Variants in TAF1 observed in about 807,000 individuals in gnomAD.
TAF1 encodes the protein TATA-box binding protein associated factor 1.
In TAF1, 2 loss-of-function variants were observed where a neutral mutation model predicts 138.5. That is an observed-to-expected ratio of 0.01 (90% confidence interval 0.01 to 0.05). The LOEUF is 0.05. TAF1 is among the 10% of genes least tolerant of loss of function. TAF1 has a pLI of 1.00. For missense variants in TAF1, 709 were observed against 1,478.0 expected (o/e 0.48, Z 8.53); for synonymous variants, 437 against 503.2 (o/e 0.87, Z 1.76).
intron 13 of TAF1, among the ~76,000 whole-genome samples, chrX:71,471,346 T>C (rs7890890): frequency 0.16 from 14,951 of 95,327 alleles, 1,179 homozygotes; most frequent in East Asian, 0.3. Flanking sequence ...TATATATATA[T>C]ACACACACAC....
rs766377943 is a variant in TAF1, at chrX:71,406,556, C to CT, written c.3999-74dup. The stretch of plus-strand genomic sequence containing the variant: ...TAGGCTCGTGCTTAGGTACCTTGGA[C>CT]TTTTTTTTAATTATAGTTGCTTTTT... On this transcript the variant is annotated intron_variant, in intron 25 of 37. Coordinates refer to ENST00000423759, the MANE Select transcript of TAF1 (RefSeq NM_004606.5). The CT allele has an allele frequency of 4.1e-5, 41 of 1,008,496 alleles. No homozygotes were observed. The East Asian group carries it at 5.8e-4, about 14-fold the overall frequency. The allele number at this position is 1,008,496 out of a possible 1,213,427, so 83.1% of individuals were successfully genotyped here. A position where few individuals can be genotyped will look rare whatever the true frequency, so the allele number is the denominator to read the frequency against.
chrX:71,471,226 G>T (rs1201137393), intron 13 of TAF1, among the ~76,000 whole-genome samples: 4 of 106,644 alleles, frequency 3.8e-5, no homozygotes, highest in Non-Finnish European at 7.7e-5. Flanking sequence ...GCTGAGGCAG[G>T]AGAATCACTT....
At chrX:71,369,358 C>A (rs1441606763) in intron 3 of TAF1, among the ~76,000 whole-genome samples, 2 of 111,367 alleles carry the variant, frequency 1.8e-5, no homozygotes, top group Non-Finnish European at 3.8e-5. Context: ...GTATAGGGTG[C>A]TACATTGTAG....
intron 13 of TAF1, among the ~76,000 whole-genome samples, chrX:71,498,985 A>T (rs2039445933): frequency 9.0e-6 from 1 of 111,307 alleles, no homozygotes; most frequent in Non-Finnish European, 1.9e-5. Context: ...ATAGTTAAAC[A>T]TACCCGGGGC....
rs1187811906 is a variant in TAF1, at chrX:71,378,204, C to G, written c.934-31C>G. ...TTAGGACATCTGGGATCAGGAAATT[C>G]TCCCTGCTCTACTTCTTTCTTCTGT... On this transcript the variant is annotated intron_variant, in intron 6 of 37. Coordinates refer to ENST00000423759, the MANE Select transcript of TAF1 (RefSeq NM_004606.5). 2.5e-6 allele frequency: 3 copies of G among 1,196,193 alleles called. No individual in the cohort carries two copies. The African/African-American group carries it at 5.2e-5, about 21-fold the overall frequency.
intron 14 of TAF1, 26 bp downstream of exon 14, chrX:71,385,075 T>C: frequency 6.3e-6 from 7 of 1,114,590 alleles, no homozygotes; most frequent in Non-Finnish European, 8.6e-6. Context: ...CTGTTTTTAC[T>C]GTTAACTAAG....
chrX:71,431,659 G>A (rs1260961531), intron 32 of TAF1, among the ~76,000 whole-genome samples: 1 of 110,860 alleles, frequency 9.0e-6, no homozygotes, highest in Admixed American at 9.6e-5. Context: ...GCTCACGCCT[G>A]TAATCCCAGC....
At chrX:71,506,923 A>G (rs2039639035) in intron 13 of TAF1, among the ~76,000 whole-genome samples, 1 of 111,973 alleles carries the variant, frequency 8.9e-6, no homozygotes, top group Non-Finnish European at 1.9e-5. Context: ...ACATGCTACA[A>G]CATAGATGAA....
intron 18 of TAF1, among the ~76,000 whole-genome samples, chrX:71,390,807 C>A (rs1244686565): frequency 9.0e-6 from 1 of 111,383 alleles, no homozygotes; most frequent in Non-Finnish European, 1.9e-5. Context: ...ACCAGCCTGG[C>A]CAACATGGTG....
intron 1 of TAF1, 148 bp downstream of exon 1, chrX:71,366,642 G>A: frequency 1.6e-6 from 1 of 623,958 alleles, no homozygotes; most frequent in Non-Finnish European, 2.4e-6. Flanking sequence ...GGGTGCGGGA[G>A]CAACGTGGCG....
intron 13 of TAF1, among the ~76,000 whole-genome samples, chrX:71,503,337 T>C (rs1434716791): frequency 3.0e-5 from 3 of 99,012 alleles, no homozygotes; most frequent in Non-Finnish European, 5.9e-5. Context: ...TGTATATATA[T>C]ATATATGTGT....
chrX:71,401,802 G>T, intron 25 of TAF1, 63 bp downstream of exon 25: 1 of 1,054,176 alleles, frequency 9.5e-7, no homozygotes, highest in African/African-American at 1.8e-5. Context: ...TATATTGGTG[G>T]CTGGCAGGGG....
chrX:71,504,775 AAAAG>A (rs2039591413), intron 13 of TAF1, among the ~76,000 whole-genome samples: 1 of 90,207 alleles, frequency 1.1e-5, no homozygotes, highest in African/African-American at 4.4e-5. Context: ...AAAAAAAAAG[AAAAG>A]AAAAAAGAAA....
chrX:71,448,128 T>C (rs1402793740), intron 32 of TAF1, among the ~76,000 whole-genome samples: 1 of 111,976 alleles, frequency 8.9e-6, no homozygotes, highest in Non-Finnish European at 1.9e-5. Flanking sequence ...AGAAATTCTT[T>C]ATAACTGAAT....
chrX:71,454,681 CTTT>C (rs2038202991), intron 33 of TAF1, 57 bp from the exon 34 acceptor site: 2 of 1,033,548 alleles, frequency 1.9e-6, no homozygotes, highest in African/African-American at 3.8e-5. Flanking sequence ...CTTTTGTTTA[CTTT>C]TGTATCCCCA....
intron 3 of TAF1, among the ~76,000 whole-genome samples, chrX:71,370,441 G>A (rs1457765416): frequency 9.0e-6 from 1 of 111,091 alleles, no homozygotes; most frequent in Non-Finnish European, 1.9e-5. Context: ...CCACCTACCG[G>A]GTTCAAGTGA....
chrX:71,500,433 G>A (rs1246612040), intron 13 of TAF1, among the ~76,000 whole-genome samples: 47 of 98,656 alleles, frequency 4.8e-4, no homozygotes, highest in African/African-American at 9.9e-4. Flanking sequence ...GGTCTCAATG[G>A]CTTAGGATGC....
intron 32 of TAF1, among the ~76,000 whole-genome samples, chrX:71,438,403 T>C (rs1472438833): frequency 2.7e-5 from 3 of 112,108 alleles, no homozygotes; most frequent in African/African-American, 6.5e-5. Context: ...TGGTTTGTTT[T>C]ACTTACCATG....
At chrX:71,487,454 G>A (rs778202897) in intron 13 of TAF1, among the ~76,000 whole-genome samples, 44 of 106,756 alleles carry the variant, frequency 4.1e-4, no homozygotes, top group Non-Finnish European at 7.1e-4. Flanking sequence ...CTCCCGAGTA[G>A]CTGGGATTAC....
Sources: allele counts gnomAD v4.1 joint callset (sites outside exome capture counted in the v4.1 genomes callset), GRCh38; gene constraint gnomAD v4.1.1; transcripts MANE v1.5; gene names NCBI Gene and HGNC (gene_info 2026-07-23, HGNC 2026-07-21).